The following USP37 variants were observed in gnomAD, a reference collection of about 807,000 sequenced individuals.
The protein encoded by USP37 is ubiquitin carboxyl-terminal hydrolase 37.
Under a neutral mutation model 124.0 loss-of-function variants are expected in USP37, and 27 were observed. The ratio of observed to expected loss-of-function variants is 0.22; its 90% CI spans 0.16 to 0.30. The LOEUF (loss-of-function observed/expected upper bound fraction) is 0.30. Ranked by LOEUF, USP37 falls within the 10% of genes least tolerant of loss-of-function variation. USP37 has a pLI of 1.00. For missense variants in USP37, 889 were observed against 1,140.4 expected (o/e 0.78, Z 3.17); for synonymous variants, 365 against 388.0 (o/e 0.94, Z 0.70).
chr2:218,535,464 C>A (rs1691577270), intron 8 of USP37, among the ~76,000 whole-genome samples: 4 of 151,162 alleles, frequency 2.6e-5, no homozygotes. Context: ...TTAATCCTAG[C>A]AGCTTGGGAG....
chr2:218,560,490 A>C (rs1292589515), intron 3 of USP37, among the ~76,000 whole-genome samples: 1 of 152,196 alleles, frequency 6.6e-6, no homozygotes, highest in Admixed American at 6.5e-5. Flanking sequence ...ATATTAATGG[A>C]ATTAATGTCT....
intron 1 of USP37, among the ~76,000 whole-genome samples, chr2:218,564,833 G>C (rs991537803): frequency 2.0e-5 from 3 of 152,144 alleles, no homozygotes; most frequent in African/African-American, 7.2e-5. Flanking sequence ...AAATGCTTGT[G>C]TTTGGTATTC....
chr2:218,525,801 A>G (rs923373303), intron 10 of USP37, among the ~76,000 whole-genome samples: 1 of 152,148 alleles, frequency 6.6e-6, no homozygotes, highest in Non-Finnish European at 1.5e-5. Context: ...CCAGGTATTA[A>G]GCCTAGTACT....
At chr2:218,528,112 T>A (rs1340438674) in intron 10 of USP37, among the ~76,000 whole-genome samples, 1 of 151,958 alleles carries the variant, frequency 6.6e-6, no homozygotes, top group African/African-American at 2.4e-5. Context: ...TGAGGCAGGC[T>A]AATCACTCGA....
At chr2:218,471,749 G>A (rs1470305878) in intron 20 of USP37, among the ~76,000 whole-genome samples, 1 of 152,096 alleles carries the variant, frequency 6.6e-6, no homozygotes, top group Non-Finnish European at 1.5e-5. Context: ...GCTGGGGCTG[G>A]GCGTGGTGGC....
chr2:218,474,731 G>A lies in USP37; in HGVS notation c.2198C>T (p.Thr733Ile). 1 of 1,614,108 alleles carries A rather than the reference G, an allele frequency of 6.2e-7. No individual in the cohort carries two copies. The highest frequency in any genetic ancestry group is 1.1e-5 in the South Asian group (1 of 91,084). Residue 733 changes from threonine (T) to isoleucine (I), a missense_variant, in exon 20 of 26, where the codon ACT becomes ATT. Transcript: ENST00000258399. ...TGCAAATCCGGTATCTGGGCTGCTA[G>A]TTGGCTTATCATCATCTTCATGACT... ...SLSHEDDDKP[T>I]SSPDTGFAED...
chr2:218,480,495 T>C lies in USP37; in HGVS notation c.1836-780A>G, dbSNP rs545771728. ...GCTCTCCTTGATCCAATAATCTACA[T>C]AGACAGCACTGGAAATGAAGTCAAG... On this transcript the variant is annotated intron_variant, in intron 17 of 25. Transcript: ENST00000258399. 5.5e-4 allele frequency among the ~76,000 whole-genome samples: 82 copies of C among 150,114 alleles called. No homozygotes were observed. The South Asian group carries it at 0.016, about 29-fold the overall frequency.
At chr2:218,517,023 C>T (rs1690330138) in intron 10 of USP37, among the ~76,000 whole-genome samples, 1 of 152,104 alleles carries the variant, frequency 6.6e-6, no homozygotes. Context: ...TTGTTCAATC[C>T]AAGTATACAC....
At chr2:218,556,825 C>G (rs16859056) in intron 4 of USP37, among the ~76,000 whole-genome samples, 6,065 of 151,088 alleles carry the variant, frequency 0.04, 394 homozygotes, top group African/African-American at 0.14. Context: ...TTTGGTTACT[C>G]TTAAGTTTGA....
chr2:218,459,663 C>CA, intron 23 of USP37, 127 bp downstream of exon 23: 1 of 607,326 alleles, frequency 1.6e-6, no homozygotes, highest in South Asian at 2.3e-5. Context: ...AAAATGAGAC[C>CA]ATCTAATGGC....
chr2:218,475,918 T>A (rs1203330068), intron 19 of USP37, among the ~76,000 whole-genome samples: 1 of 106,466 alleles, frequency 9.4e-6, no homozygotes, highest in Non-Finnish European at 1.9e-5. Context: ...AGAGTGAGAC[T>A]CCGTCTCAAA....
intron 11 of USP37, among the ~76,000 whole-genome samples, chr2:218,509,496 C>T (rs1268576606): frequency 2.0e-5 from 3 of 151,942 alleles, no homozygotes; most frequent in South Asian, 4.1e-4. Context: ...TGCTTATAAT[C>T]CCAGCACTTT....
chr2:218,514,944 T>A (rs1690192449), intron 10 of USP37, among the ~76,000 whole-genome samples: 1 of 152,208 alleles, frequency 6.6e-6, no homozygotes, highest in Admixed American at 6.5e-5. Context: ...TTGTTCTAGT[T>A]TGGGCCATTG....
At chr2:218,455,335 A>C (rs948503458) in intron 25 of USP37, among the ~76,000 whole-genome samples, 1 of 152,198 alleles carries the variant, frequency 6.6e-6, no homozygotes, top group Admixed American at 6.6e-5. Context: ...ATCATAAAAC[A>C]AACTGTCTTA....
chr2:218,499,646 G>A (rs1427271728), intron 11 of USP37, among the ~76,000 whole-genome samples: 1 of 152,120 alleles, frequency 6.6e-6, no homozygotes, highest in Non-Finnish European at 1.5e-5. Flanking sequence ...CCCTCACTTA[G>A]GTACAAGATT....
intron 6 of USP37, 104 bp from the exon 7 acceptor site, chr2:218,547,195 G>C (rs572333157): frequency 8.2e-7 from 1 of 1,225,638 alleles, no homozygotes; most frequent in African/African-American, 1.5e-5. Flanking sequence ...AATGGAGCCA[G>C]GTGCGATGGC....
chr2:218,552,942 C>T (rs890469075), intron 5 of USP37, among the ~76,000 whole-genome samples: 7 of 129,576 alleles, frequency 5.4e-5, no homozygotes, highest in Non-Finnish European at 1.1e-4. Flanking sequence ...AACAAACAAA[C>T]AAATAAATAA....
intron 8 of USP37, among the ~76,000 whole-genome samples, chr2:218,535,107 T>A (rs1270202125): frequency 6.6e-6 from 1 of 152,146 alleles, no homozygotes; most frequent in Non-Finnish European, 1.5e-5. Flanking sequence ...GGCTCACTCC[T>A]GTAATCCCAG....
chr2:218,484,434 C>T (rs1313842617), intron 16 of USP37, among the ~76,000 whole-genome samples: 2 of 152,000 alleles, frequency 1.3e-5, no homozygotes, highest in Non-Finnish European at 2.9e-5. Context: ...CCAACCTGGT[C>T]AACATGGCAA....
Sources: gnomAD v4.1 joint callset for allele counts (sites outside exome capture counted in the v4.1 genomes callset) on GRCh38, gnomAD v4.1.1 for gene constraint, MANE v1.5 for transcripts, NCBI Gene and HGNC (gene_info 2026-07-23, HGNC 2026-07-21) for gene names.